KCNAB1: variants seen among roughly 807,000 people sequenced by gnomAD.
KCNAB1 encodes potassium voltage-gated channel subfamily A regulatory beta subunit 1, also known as voltage-gated potassium channel subunit beta-1.
In KCNAB1, 35 loss-of-function variants were observed where a neutral mutation model predicts 64.6. That is an observed-to-expected ratio of 0.54 (90% CI 0.41 to 0.72). The LOEUF is 0.72. Among genes scored for constraint, KCNAB1 ranks in the 30% least tolerant of loss-of-function variants. The pLI, the probability that KCNAB1 is intolerant of heterozygous loss-of-function variation, is 0.00. For synonymous variants in KCNAB1, 177 were observed against 183.8 expected (o/e 0.96, Z 0.30); for missense variants, 401 against 512.9 (o/e 0.78, Z 2.11).
rs143425451 is a variant in KCNAB1 at position 156,133,781 on chromosome 3, A to G, written c.275+12895A>G. On this transcript the variant is annotated intron_variant, in intron 1 of 13. Coordinates refer to ENST00000490337, the MANE Select transcript of KCNAB1 (RefSeq NM_172160.3). ...GGAAAAAATACACTTAAGATGCACC[A>G]TTTCAACTAGACTTACACAAGAATG... Among the ~76,000 whole-genome samples, 35 of 152,366 alleles carry G rather than the reference A, an allele frequency of 2.3e-4. No individual in the cohort carries two copies. The East Asian group carries it at 6.7e-3, about 29-fold the overall frequency.
chr3:156,387,014 CTTTTTTTT>C (rs1194708289), intron 1 of KCNAB1, among the ~76,000 whole-genome samples: 4 of 90,526 alleles, frequency 4.4e-5, no homozygotes, highest in Non-Finnish European at 8.5e-5. Flanking sequence ...TTCTCTCTCT[CTTTTTTTT>C]TTTTTTTTTT....
chr3:156,479,821 T>C (rs1714657822), intron 8 of KCNAB1, among the ~76,000 whole-genome samples: 1 of 152,098 alleles, frequency 6.6e-6, no homozygotes, highest in Non-Finnish European at 1.5e-5. Context: ...CCCAGATGTC[T>C]CAATTTCAAA....
At chr3:156,156,820 AAAATAT>A (rs1247499315) in intron 1 of KCNAB1, among the ~76,000 whole-genome samples, 2 of 152,202 alleles carry the variant, frequency 1.3e-5, no homozygotes, top group Non-Finnish European at 2.9e-5. Flanking sequence ...ATTCATGCTC[AAAATAT>A]AAATATAAAT....
At chr3:156,170,301 G>A (rs1015877991) in intron 1 of KCNAB1, among the ~76,000 whole-genome samples, 10 of 149,082 alleles carry the variant, frequency 6.7e-5, no homozygotes, top group African/African-American at 2.5e-4. Context: ...TGAAGTCATA[G>A]AGAAAGCAGC....
chr3:156,226,562 G>A (rs940920546), intron 1 of KCNAB1, among the ~76,000 whole-genome samples: 11 of 151,994 alleles, frequency 7.2e-5, no homozygotes, highest in African/African-American at 9.7e-5. Flanking sequence ...AAATAGATGG[G>A]ACTTAATTAA....
chr3:156,412,228 A>G (rs1714719388), intron 1 of KCNAB1, among the ~76,000 whole-genome samples: 1 of 152,174 alleles, frequency 6.6e-6, no homozygotes, highest in Non-Finnish European at 1.5e-5. Context: ...TTGATCTTAT[A>G]TCTCACAAAG....
rs144012999 is a variant in KCNAB1, at chr3:156,372,725, A to C, written c.276-48891A>C. 7.2e-5 allele frequency among the ~76,000 whole-genome samples: 11 copies of C among 152,364 alleles called. No individual in the cohort carries two copies. The East Asian group carries it at 2.1e-3, about 29-fold the overall frequency. On this transcript the variant is annotated intron_variant, in intron 1 of 13. Coordinates refer to ENST00000490337, the MANE Select transcript of KCNAB1 (RefSeq NM_172160.3). Reference sequence around the variant, plus strand: ...CAACAAGAGGACACTGTAGACAAAGAAACAGCGTGATGTTTCAGAGATAAA... The same window carrying C: ...CAACAAGAGGACACTGTAGACAAAGCAACAGCGTGATGTTTCAGAGATAAA...
chr3:156,156,253 GATTA>G, intron 1 of KCNAB1, among the ~76,000 whole-genome samples: 1 of 151,056 alleles, frequency 6.6e-6, no homozygotes, highest in Non-Finnish European at 1.5e-5. Flanking sequence ...CTTTGGGCAA[GATTA>G]ATTCTTTACT....
At chr3:156,526,978 G>T (rs369971389) in intron 12 of KCNAB1, among the ~76,000 whole-genome samples, 5 of 152,020 alleles carry the variant, frequency 3.3e-5, no homozygotes, top group African/African-American at 1.2e-4. Context: ...TAATTTAATA[G>T]AATATTTGTT....
chr3:156,203,135 A>G (rs1426384696), intron 1 of KCNAB1, among the ~76,000 whole-genome samples: 1 of 152,156 alleles, frequency 6.6e-6, no homozygotes, highest in Admixed American at 6.5e-5. Flanking sequence ...TATTCCCATC[A>G]TTTGCTTTTA....
At chr3:156,383,768 A>T (rs1396546095) in intron 1 of KCNAB1, among the ~76,000 whole-genome samples, 1 of 152,232 alleles carries the variant, frequency 6.6e-6, no homozygotes, top group East Asian at 1.9e-4. Context: ...AAAGAAAAAA[A>T]TTATTCTCAG....
intron 1 of KCNAB1, among the ~76,000 whole-genome samples, chr3:156,277,172 G>T (rs146645994): frequency 1.3e-5 from 2 of 152,294 alleles, no homozygotes; most frequent in East Asian, 3.9e-4. Context: ...GGTTGGTAGA[G>T]CACTGAGAAC....
chr3:156,270,180 T>G (rs1468182941), intron 1 of KCNAB1, among the ~76,000 whole-genome samples: 2 of 152,186 alleles, frequency 1.3e-5, no homozygotes, highest in African/African-American at 4.8e-5. Flanking sequence ...CCTCCCAAAG[T>G]GCTGGGATTA....
At chr3:156,293,295 CA>C (rs1307974247) in intron 1 of KCNAB1, among the ~76,000 whole-genome samples, 1 of 152,158 alleles carries the variant, frequency 6.6e-6, no homozygotes, top group African/African-American at 2.4e-5. Context: ...ACACATCTTC[CA>C]AAAAACTTTG....
At chr3:156,236,820 C>T (rs1716876061) in intron 1 of KCNAB1, among the ~76,000 whole-genome samples, 1 of 152,038 alleles carries the variant, frequency 6.6e-6, no homozygotes, top group Non-Finnish European at 1.5e-5. Flanking sequence ...GTTTATTTGC[C>T]AGAATTATAT....
intron 1 of KCNAB1, among the ~76,000 whole-genome samples, chr3:156,138,754 C>G (rs1454511230): frequency 6.6e-6 from 1 of 152,146 alleles, no homozygotes; most frequent in African/African-American, 2.4e-5. Context: ...TTAGAGATTA[C>G]CTAAGTCTGA....
In KCNAB1 at chr3:156,188,128, G is replaced by A. The variant is rs117300930; in HGVS notation, c.275+67242G>A. On this transcript the variant is annotated intron_variant, in intron 1 of 13. Coordinates refer to ENST00000490337, the MANE Select transcript of KCNAB1 (RefSeq NM_172160.3). ...TTGGTGAATTTCTATTAATATTTTG[G>A]GCATCTCAAGATTACCTACTTGGAT... 3.0e-4 allele frequency among the ~76,000 whole-genome samples: 45 copies of A among 151,750 alleles called. No homozygotes were observed. In the East Asian group the frequency reaches 7.7e-3, roughly 26 times the overall value.
chr3:156,437,701 T>C (rs76198739), intron 2 of KCNAB1, among the ~76,000 whole-genome samples: 5,554 of 152,282 alleles, frequency 0.036, 344 homozygotes, highest in African/African-American at 0.13. Context: ...TTGCAGAAGG[T>C]TAGTAGTACT....
chr3:156,339,190 G>A (rs1179819731), intron 1 of KCNAB1, among the ~76,000 whole-genome samples: 1 of 152,014 alleles, frequency 6.6e-6, no homozygotes, highest in East Asian at 1.9e-4. Context: ...TAGTCCAGGT[G>A]TAGGCATGGT....
Sources: gnomAD v4.1 joint callset for allele counts (sites outside exome capture counted in the v4.1 genomes callset) on GRCh38, gnomAD v4.1.1 for gene constraint, MANE v1.5 for transcripts, NCBI Gene and HGNC (gene_info 2026-07-23, HGNC 2026-07-21) for gene names.